SHQ1: variants seen among roughly 807,000 people sequenced by gnomAD.
The protein encoded by SHQ1 is SHQ1, H/ACA ribonucleoprotein assembly factor.
SHQ1 carries 49 observed loss-of-function variants against 53.8 expected under a neutral mutation model. That is an observed-to-expected ratio of 0.91 (90% CI 0.72 to 1.16). SHQ1 has a LOEUF of 1.16. Ranked by LOEUF, SHQ1 falls within the 50% of genes most tolerant of loss-of-function variation. The pLI is 0.00. For synonymous variants in SHQ1, 243 were observed against 251.0 expected, an observed-to-expected ratio of 0.97 and a Z score of 0.30; for missense variants, 738 against 683.1, an observed-to-expected ratio of 1.08 and a Z score of -0.90.
intron 1 of SHQ1, among the ~76,000 whole-genome samples, chr3:72,847,456 CAA>C (rs4054919): frequency 0.46 from 70,004 of 151,538 alleles, 17,231 homozygotes; most frequent in East Asian, 0.66. Context: ...GGATCACCGT[CAA>C]AGTTAAATGA....
At chr3:72,745,047 A>G (rs67967166), downstream of SHQ1, among the ~76,000 whole-genome samples, 49,531 of 151,628 alleles carry the variant, frequency 0.33, 9,582 homozygotes, top group African/African-American at 0.54. Context: ...TATTTTAGAG[A>G]TATCTGTTTT....
At chr3:72,745,205 C>G (rs1705237496), downstream of SHQ1, among the ~76,000 whole-genome samples, 1 of 151,954 alleles carries the variant, frequency 6.6e-6, no homozygotes, top group Non-Finnish European at 1.5e-5. Flanking sequence ...CTACTCCTCC[C>G]AATTCTTGGT....
chr3:72,762,729 C>T (rs1705638310), intron 10 of SHQ1, among the ~76,000 whole-genome samples: 1 of 152,116 alleles, frequency 6.6e-6, no homozygotes, highest in Admixed American at 6.6e-5. Flanking sequence ...GGCTGGAGTG[C>T]AGTGGCGTAA....
intron 5 of SHQ1, among the ~76,000 whole-genome samples, chr3:72,825,205 A>C (rs1254309953): frequency 6.6e-6 from 1 of 152,130 alleles, no homozygotes. Context: ...GACACATTGG[A>C]CTGAAATCTA....
chr3:72,756,952 T>C (rs1488290115), intron 10 of SHQ1, among the ~76,000 whole-genome samples: 1 of 152,224 alleles, frequency 6.6e-6, no homozygotes, highest in Non-Finnish European at 1.5e-5. Flanking sequence ...ATTTGGTGAC[T>C]GTAGGAGGGG....
Position 72,769,141 on chromosome 3 carries a change from G to A in SHQ1, c.1182-18305C>T, listed in dbSNP as rs1195428015. Reference sequence around the variant, plus strand: ...CAAACAGATGGAGTCTAGCAGGCAGGTGGGGGTCTGTGGCAGAATGGAGAG... The same window carrying A: ...CAAACAGATGGAGTCTAGCAGGCAGATGGGGGTCTGTGGCAGAATGGAGAG... On this transcript the variant is annotated intron_variant, in intron 10 of 10. Transcript: ENST00000325599. Among the ~76,000 whole-genome samples, 6 of 152,342 alleles carry A rather than the reference G, an allele frequency of 3.9e-5. No homozygotes were observed. In the South Asian group the frequency reaches 1.0e-3, roughly 26 times the overall value.
chr3:72,774,866 G>A (rs1705923112), intron 10 of SHQ1, among the ~76,000 whole-genome samples: 1 of 152,222 alleles, frequency 6.6e-6, no homozygotes, highest in Non-Finnish European at 1.5e-5. Context: ...TGTAATCCCA[G>A]CACTTTGGGA....
At chr3:72,841,868 G>A (rs1357803652) in intron 3 of SHQ1, among the ~76,000 whole-genome samples, 22 of 152,156 alleles carry the variant, frequency 1.4e-4, no homozygotes. Context: ...TCTGACAGGA[G>A]CCAGAGCTCA....
intron 10 of SHQ1, among the ~76,000 whole-genome samples, chr3:72,778,147 T>G (rs1705994529): frequency 6.6e-6 from 1 of 152,192 alleles, no homozygotes; most frequent in Admixed American, 6.5e-5. Flanking sequence ...AAATTGGTGA[T>G]ATTCTATTTC....
At chr3:72,775,435 C>A in intron 10 of SHQ1, among the ~76,000 whole-genome samples, 1 of 144,996 alleles carries the variant, frequency 6.9e-6, no homozygotes, top group South Asian at 2.1e-4. Context: ...AGAATTTTCC[C>A]ATAAAGAAAG....
chr3:72,840,937 C>T (rs1401786943), intron 4 of SHQ1, 108 bp downstream of exon 4: 2 of 1,285,704 alleles, frequency 1.6e-6, no homozygotes, highest in African/African-American at 3.0e-5. Flanking sequence ...AATACAATCA[C>T]CTCCTGTAAT....
intron 5 of SHQ1, among the ~76,000 whole-genome samples, chr3:72,827,010 TAGGATAAGAGAGTGG>T (rs1707680752): frequency 6.6e-6 from 1 of 152,132 alleles, no homozygotes; most frequent in Admixed American, 6.5e-5. Flanking sequence ...AATGGTGGCC[TAGGATAAGAGAGTGG>T]CAGTGGACAT....
intron 9 of SHQ1, among the ~76,000 whole-genome samples, chr3:72,804,307 G>A (rs1193476420): frequency 6.6e-6 from 1 of 151,934 alleles, no homozygotes; most frequent in Admixed American, 6.6e-5. Flanking sequence ...GAACTTTTAA[G>A]TTCAGAGGTA....
chr3:72,781,468 C>G (rs1195818144), intron 10 of SHQ1, among the ~76,000 whole-genome samples: 1 of 152,124 alleles, frequency 6.6e-6, no homozygotes, highest in Admixed American at 6.6e-5. Flanking sequence ...TGAGTTTTCC[C>G]AAATATGAAC....
At chr3:72,811,525 T>A (rs913373400) in intron 9 of SHQ1, among the ~76,000 whole-genome samples, 1 of 152,194 alleles carries the variant, frequency 6.6e-6, no homozygotes. Context: ...AGCTCTTTCA[T>A]CCTATAATCA....
At chr3:72,802,435 G>A (rs1706818124) in intron 9 of SHQ1, among the ~76,000 whole-genome samples, 1 of 152,124 alleles carries the variant, frequency 6.6e-6, no homozygotes, top group Admixed American at 6.5e-5. Context: ...CTCTTCAGTG[G>A]TTCCTCCCTG....
At position 72,815,334 on chromosome 3, in the gene SHQ1, C is replaced by T. The variant is rs367624072; in HGVS notation, c.936+16G>A. 1.2e-6 allele frequency: 2 copies of T among 1,608,442 alleles called. No homozygotes were observed. The highest frequency in any genetic ancestry group is 8.5e-7 in the Non-Finnish European group (1 of 1,175,622). On this transcript the variant is annotated intron_variant, in intron 8 of 10. Coordinates refer to ENST00000325599, the MANE Select transcript of SHQ1 (RefSeq NM_018130.3). Reference sequence around the variant, plus strand: ...CTGAACAACAAATTCTAAACAATTGCAACTGGAAATCATACCTCAAACCAG... The same window carrying T: ...CTGAACAACAAATTCTAAACAATTGTAACTGGAAATCATACCTCAAACCAG...
At chr3:72,812,919 GAAGA>G in intron 8 of SHQ1, 125 bp from the exon 9 acceptor site, 3 of 958,232 alleles carry the variant, frequency 3.1e-6, no homozygotes, top group Non-Finnish European at 4.6e-6. Context: ...AAGCCAAGTA[GAAGA>G]GAAACATAAA....
At chr3:72,838,348 T>C (rs554973726) in intron 4 of SHQ1, among the ~76,000 whole-genome samples, 17 of 152,336 alleles carry the variant, frequency 1.1e-4, no homozygotes, top group African/African-American at 4.1e-4. Flanking sequence ...AAATGCTCAG[T>C]TGTTTTTCCC....
Sources: allele counts gnomAD v4.1 joint callset (sites outside exome capture counted in the v4.1 genomes callset), GRCh38; gene constraint gnomAD v4.1.1; transcripts MANE v1.5; gene names NCBI Gene and HGNC (gene_info 2026-07-23, HGNC 2026-07-21).